The following TMEM117 variants were observed in gnomAD, a reference collection of about 807,000 sequenced individuals.
TMEM117 encodes the protein transmembrane protein 117.
A neutral mutation model predicts 52.4 loss-of-function variants in TMEM117; 27 were observed. That is an observed-to-expected ratio of 0.51 (90% CI 0.38 to 0.71). The LOEUF is 0.71. TMEM117 is among the 30% of genes least tolerant of loss of function. TMEM117 has a pLI of 0.00. For synonymous variants in TMEM117, 215 were observed against 206.3 expected (o/e 1.04, Z -0.36); for missense variants, 556 against 630.5 (o/e 0.88, Z 1.26).
At chr12:43,952,349 A>G (rs1565766389) in intron 3 of TMEM117, among the ~76,000 whole-genome samples, 1 of 152,120 alleles carries the variant, frequency 6.6e-6, no homozygotes, top group Non-Finnish European at 1.5e-5. Context: ...TCACTGAGCC[A>G]AAGGATTATG....
intron 3 of TMEM117, among the ~76,000 whole-genome samples, chr12:44,071,210 C>G (rs574597144): frequency 1.3e-5 from 2 of 152,124 alleles, no homozygotes; most frequent in African/African-American, 2.4e-5. Flanking sequence ...GCAGAACAGC[C>G]GCGCTCGTGC....
At chr12:44,066,391 A>G (rs1000584978) in intron 3 of TMEM117, among the ~76,000 whole-genome samples, 1 of 152,236 alleles carries the variant, frequency 6.6e-6, no homozygotes, top group Non-Finnish European at 1.5e-5. Context: ...TTTGTGAGCC[A>G]TAGTAAACAA....
intron 1 of TMEM117, among the ~76,000 whole-genome samples, chr12:43,840,372 A>G (rs1219293283): frequency 1.3e-5 from 2 of 152,222 alleles, no homozygotes; most frequent in African/African-American, 4.8e-5. Context: ...GGTATATAGT[A>G]TGTGCTTAAT....
At chr12:43,805,879 C>T in the TMEM117 span, 62 of 1,446,528 alleles carry the variant, frequency 4.3e-5, no homozygotes, top group Admixed American at 1.8e-4. Flanking sequence ...ACTGTCCCAG[C>T]TCTTCCCTAC....
At position 44,143,127 on chromosome 12, in the gene TMEM117, T is replaced by C. The variant is rs192183270; in HGVS notation, c.411-398T>C. ...CAGCATTTTTCCAATTGTTTTGATTTGATGGAACTGAAGGAAAGTTAGCTC... is the reference window on the plus strand; with the variant it reads ...CAGCATTTTTCCAATTGTTTTGATTCGATGGAACTGAAGGAAAGTTAGCTC... On this transcript the variant is annotated intron_variant, in intron 3 of 7. Transcript: ENST00000266534. Among the ~76,000 whole-genome samples, 959 of 152,310 alleles carry C rather than the reference T, an allele frequency of 6.3e-3. 5 individuals carry two copies. Among genetic ancestry groups the C allele is most frequent in the South Asian group, 0.012 (60 of 4,824 alleles).
At chr12:44,322,612 G>A (rs1042111481) in intron 6 of TMEM117, among the ~76,000 whole-genome samples, 9 of 152,160 alleles carry the variant, frequency 5.9e-5, no homozygotes, top group South Asian at 2.1e-4. Flanking sequence ...ATTTTTGAAC[G>A]TCTTTGAGAT....
chr12:44,020,984 G>A (rs1461513190), intron 3 of TMEM117, among the ~76,000 whole-genome samples: 2 of 152,132 alleles, frequency 1.3e-5, no homozygotes, highest in African/African-American at 2.4e-5. Flanking sequence ...TGAAATCAGG[G>A]TAATGAAGTA....
the TMEM117 span, chr12:43,806,312 GA>G: frequency 1.4e-6 from 2 of 1,412,682 alleles, no homozygotes; most frequent in Non-Finnish European, 1.8e-6. Flanking sequence ...GCGGCCCCAG[GA>G]AGTGGCTGCT....
At chr12:44,025,011 A>T (rs751906093) in intron 3 of TMEM117, among the ~76,000 whole-genome samples, 2 of 152,160 alleles carry the variant, frequency 1.3e-5, no homozygotes, top group Non-Finnish European at 2.9e-5. Context: ...AAGGTGACTA[A>T]GTTGCTCCAC....
At chr12:43,942,620 CT>C (rs532952208) in intron 2 of TMEM117, among the ~76,000 whole-genome samples, 21 of 147,976 alleles carry the variant, frequency 1.4e-4, no homozygotes, top group African/African-American at 9.9e-5. Flanking sequence ...CCTCCCCGCT[CT>C]TTTTTTTTTA....
chr12:44,338,703 TAC>T (rs1191395654), intron 6 of TMEM117, among the ~76,000 whole-genome samples: 1 of 152,124 alleles, frequency 6.6e-6, no homozygotes, highest in Non-Finnish European at 1.5e-5. Context: ...GATATATTTA[TAC>T]ACACACATAT....
At chr12:44,326,899 C>A (rs879911517) in intron 6 of TMEM117, among the ~76,000 whole-genome samples, 1 of 152,226 alleles carries the variant, frequency 6.6e-6, no homozygotes, top group Admixed American at 6.5e-5. Flanking sequence ...TATACTGAAG[C>A]CTCCTTCTTT....
At chr12:43,867,173 T>C (rs1306971748) in intron 2 of TMEM117, among the ~76,000 whole-genome samples, 1 of 152,174 alleles carries the variant, frequency 6.6e-6, no homozygotes, top group Admixed American at 6.5e-5. Context: ...AACATGATAC[T>C]ATAAAATATA....
At chr12:44,049,071 C>A (rs1301297099) in intron 3 of TMEM117, among the ~76,000 whole-genome samples, 3 of 151,798 alleles carry the variant, frequency 2.0e-5, no homozygotes, top group Non-Finnish European at 4.4e-5. Context: ...TGGGTATATA[C>A]CCAAAGGAAT....
intron 5 of TMEM117, 54 bp from the exon 6 acceptor site, chr12:44,299,526 T>C (rs1592676114): frequency 1.3e-6 from 2 of 1,595,306 alleles, no homozygotes; most frequent in Non-Finnish European, 1.7e-6. Context: ...ATGCACTCTC[T>C]AGTATCTATA....
the TMEM117 span, chr12:43,796,981 T>G: frequency 6.2e-7 from 1 of 1,607,440 alleles, no homozygotes; most frequent in Non-Finnish European, 8.5e-7. Flanking sequence ...GCTACCTTTC[T>G]AATTACATCC....
At chr12:43,842,543 G>A (rs573189949) in intron 1 of TMEM117, among the ~76,000 whole-genome samples, 1 of 152,206 alleles carries the variant, frequency 6.6e-6, no homozygotes, top group South Asian at 2.1e-4. Context: ...ATTGGCATTC[G>A]TCAGCCCAGA....
chr12:44,366,357 A>T lies in TMEM117; in HGVS notation c.769-10238A>T, dbSNP rs371850582. ...CTGAGGATGATAGAATCTCTCTCCCATAGGTGTCCAACAAGGAAAGTAATG... is the reference window on the plus strand; with the variant it reads ...CTGAGGATGATAGAATCTCTCTCCCTTAGGTGTCCAACAAGGAAAGTAATG... On this transcript the variant is annotated intron_variant, in intron 6 of 7. Transcript: ENST00000266534. Among the ~76,000 whole-genome samples the T allele has an allele frequency of 6.6e-5, 10 of 152,194 alleles. No homozygotes were observed. The South Asian group carries it at 1.9e-3, about 28-fold the overall frequency.
At chr12:44,346,036 G>A (rs1951482158) in intron 6 of TMEM117, among the ~76,000 whole-genome samples, 1 of 152,012 alleles carries the variant, frequency 6.6e-6, no homozygotes, top group Non-Finnish European at 1.5e-5. Context: ...ATCTTTTAAA[G>A]TATTGAATTA....
Sources: allele counts gnomAD v4.1 joint callset (sites outside exome capture counted in the v4.1 genomes callset), GRCh38; gene constraint gnomAD v4.1.1; transcripts MANE v1.5; gene names NCBI Gene and HGNC (gene_info 2026-07-23, HGNC 2026-07-21).